The following ROBO2 variants were observed in gnomAD, a reference collection of about 807,000 sequenced individuals.
The protein encoded by ROBO2 is roundabout guidance receptor 2.
Under a neutral mutation model 160.8 loss-of-function variants are expected in ROBO2, and 53 were observed. That is an observed-to-expected ratio of 0.33 (90% CI 0.26 to 0.41). The LOEUF (loss-of-function observed/expected upper bound fraction) is 0.41. Among genes scored for constraint, ROBO2 ranks in the 10% least tolerant of loss-of-function variants. ROBO2 has a pLI of 1.00. For synonymous variants in ROBO2, 664 were observed against 611.7 expected, an observed-to-expected ratio of 1.09 and a Z score of -1.26; for missense variants, 1,577 against 1,722.4, an observed-to-expected ratio of 0.92 and a Z score of 1.49.
At chr3:77,096,476 T>G (rs557094538) in intron 1 of ROBO2, among the ~76,000 whole-genome samples, 2 of 151,644 alleles carry the variant, frequency 1.3e-5, no homozygotes, top group African/African-American at 4.8e-5. Flanking sequence ...GAGATGGAGT[T>G]TTACTCTTGT....
At chr3:76,135,765 C>A (rs1025805148) in intron 2 of ROBO2, among the ~76,000 whole-genome samples, 1 of 152,070 alleles carries the variant, frequency 6.6e-6, no homozygotes, top group African/African-American at 2.4e-5. Flanking sequence ...AGCAACTATG[C>A]GCAATTCCCA....
chr3:76,596,730 T>C (rs1313072237), intron 2 of ROBO2, among the ~76,000 whole-genome samples: 2 of 152,078 alleles, frequency 1.3e-5, no homozygotes, highest in Non-Finnish European at 2.9e-5. Context: ...GATTAAGTGG[T>C]CTACTTTCAT....
chr3:77,200,382 T>G (rs1253116029), intron 2 of ROBO2, among the ~76,000 whole-genome samples: 1 of 142,354 alleles, frequency 7.0e-6, no homozygotes, highest in Non-Finnish European at 1.5e-5. Context: ...CCAAATCTGG[T>G]TACTTTTGGT....
chr3:77,646,300 C>T (rs2095412266), exon 26 of ROBO2: 2 of 390,316 alleles, frequency 5.1e-6, no homozygotes, highest in Non-Finnish European at 9.3e-6. Flanking sequence ...AAACAAAACT[C>T]GCCCTACAGG....
At chr3:76,980,500 C>T (rs2060041442) in intron 2 of ROBO2, among the ~76,000 whole-genome samples, 1 of 152,244 alleles carries the variant, frequency 6.6e-6, no homozygotes, top group African/African-American at 2.4e-5. Flanking sequence ...TTCAAAATAG[C>T]ATACCACAGA....
At position 77,285,921 on chromosome 3, in the gene ROBO2, T is replaced by C. The variant is rs1266470611; in HGVS notation, c.388+187581T>C. ...GCCCTATATAATACCAAATGCCCTA[T>C]ATAAATACCAATGCCCTATATAAAA... is the stretch of plus-strand genomic sequence containing the variant. On this transcript the variant is annotated intron_variant, in intron 2 of 25. Coordinates refer to ENST00000461745, the Ensembl canonical transcript of ROBO2. Among the ~76,000 whole-genome samples, 4 of 152,158 alleles carry C rather than the reference T, an allele frequency of 2.6e-5. No homozygotes were observed. In the East Asian group the frequency reaches 7.7e-4, roughly 29 times the overall value.
At chr3:77,050,303 C>A (rs2065086202) in intron 1 of ROBO2, among the ~76,000 whole-genome samples, 1 of 151,984 alleles carries the variant, frequency 6.6e-6, no homozygotes, top group Non-Finnish European at 1.5e-5. Context: ...AGCATTTCAC[C>A]TTCCTCATCT....
At chr3:76,731,393 T>C (rs1248031735) in intron 2 of ROBO2, among the ~76,000 whole-genome samples, 1 of 152,190 alleles carries the variant, frequency 6.6e-6, no homozygotes, top group Non-Finnish European at 1.5e-5. Flanking sequence ...TGGGAGGCTA[T>C]TATGCATTTT....
chr3:77,502,516 T>C (rs2087766993), intron 5 of ROBO2, among the ~76,000 whole-genome samples: 1 of 152,132 alleles, frequency 6.6e-6, no homozygotes, highest in Non-Finnish European at 1.5e-5. Flanking sequence ...CTCAACACTA[T>C]ATTGGGTAAG....
rs1350575718 is a variant in ROBO2, at chr3:77,200,303, ATATATATATATATATATATT to A, written c.388+101965_388+101984del. The stretch of plus-strand genomic sequence containing the variant: ...TATATATATATATATATATATATAT[ATATATATATATATATATATT>A]TTAGTTTCTATAGGTAAAGGGAATA... On this transcript the variant is annotated intron_variant, in intron 2 of 25. Transcript: ENST00000461745. Among the ~76,000 whole-genome samples the A allele has an allele frequency of 7.6e-3, 583 of 77,138 alleles. 15 individuals are homozygous for A. The highest frequency in any genetic ancestry group is 0.034 in the African/African-American group (511 of 15,192). 50.6% of individuals were successfully genotyped at this position (77,138 alleles called of 152,430 possible).
At position 77,446,621 on chromosome 3, in the gene ROBO2, T is replaced by A. The variant is rs77752894; in HGVS notation, c.389-30793T>A. 7.9e-5 allele frequency among the ~76,000 whole-genome samples: 12 copies of A among 152,260 alleles called. No individual in the cohort carries two copies. The East Asian group carries it at 2.3e-3, about 29-fold the overall frequency. ...AATAGACACTGTATTTTTCTTATAGTGCTTAAACACTGTATATGGTTTCTA... is the reference window on the plus strand; with the variant it reads ...AATAGACACTGTATTTTTCTTATAGAGCTTAAACACTGTATATGGTTTCTA... On this transcript the variant is annotated intron_variant, in intron 2 of 25. Transcript: ENST00000461745.
chr3:77,163,716 A>T (rs1344989222), intron 2 of ROBO2, among the ~76,000 whole-genome samples: 1 of 152,220 alleles, frequency 6.6e-6, no homozygotes, highest in Non-Finnish European at 1.5e-5. Flanking sequence ...TACACCTAAT[A>T]TTTGGACATG....
chr3:76,423,026 G>A (rs1479190503), intron 2 of ROBO2, among the ~76,000 whole-genome samples: 2 of 152,164 alleles, frequency 1.3e-5, no homozygotes, highest in African/African-American at 4.8e-5. Context: ...TAGGAGAGGA[G>A]TTTGTCCTTT....
intron 2 of ROBO2, among the ~76,000 whole-genome samples, chr3:76,304,961 G>A (rs546937432): frequency 2.0e-5 from 3 of 151,938 alleles, no homozygotes; most frequent in South Asian, 4.2e-4. Context: ...TCAGGGAGAT[G>A]AGTTACTCTC....
intron 2 of ROBO2, among the ~76,000 whole-genome samples, chr3:76,354,465 T>C: frequency 6.6e-6 from 1 of 152,058 alleles, no homozygotes; most frequent in Admixed American, 6.6e-5. Flanking sequence ...TATAAATTAT[T>C]ATTAAAATGC....
chr3:77,633,538 A>C (rs999147442), intron 23 of ROBO2: 25 of 152,324 alleles, frequency 1.6e-4, no homozygotes, highest in Non-Finnish European at 2.5e-4. Flanking sequence ...CTAATAAAAC[A>C]TTAAGTACAT....
chr3:77,584,209 C>T (rs905704463), intron 16 of ROBO2, among the ~76,000 whole-genome samples: 1 of 152,090 alleles, frequency 6.6e-6, no homozygotes, highest in South Asian at 2.1e-4. Flanking sequence ...CCCTGAGACA[C>T]CTCATATCAA....
At chr3:76,236,591 C>T (rs1704959820) in intron 2 of ROBO2, among the ~76,000 whole-genome samples, 1 of 152,108 alleles carries the variant, frequency 6.6e-6, no homozygotes, top group Admixed American at 6.6e-5. Context: ...AGTGCTGCTT[C>T]TGCATTTCCA....
intron 2 of ROBO2, among the ~76,000 whole-genome samples, chr3:76,588,564 A>T (rs1440908125): frequency 1.3e-5 from 2 of 152,344 alleles, no homozygotes; most frequent in South Asian, 2.1e-4. Context: ...CTTAATATGG[A>T]TTATTCTGAT....
Sources: gnomAD v4.1 joint callset for allele counts (sites outside exome capture counted in the v4.1 genomes callset) on GRCh38, gnomAD v4.1.1 for gene constraint, MANE v1.5 for transcripts, NCBI Gene and HGNC (gene_info 2026-07-23, HGNC 2026-07-21) for gene names.